IGF2R: variants seen among roughly 807,000 people sequenced by gnomAD.
IGF2R encodes insulin like growth factor 2 receptor.
Under a neutral mutation model 270.6 loss-of-function variants are expected in IGF2R, and 91 were observed. The ratio of observed to expected loss-of-function variants is 0.34; its 90% CI spans 0.28 to 0.40. The LOEUF is 0.40. Ranked by LOEUF, IGF2R falls within the 10% of genes least tolerant of loss-of-function variation. The pLI, the probability that IGF2R is intolerant of heterozygous loss-of-function variation, is 1.00. For missense variants in IGF2R, 2,805 were observed against 3,188.3 expected (o/e 0.88, Z 2.90); for synonymous variants, 1,316 against 1,258.9 (o/e 1.05, Z -0.96).
At chr6:160,025,043 C>T (rs965758253) in intron 5 of IGF2R, among the ~76,000 whole-genome samples, 9 of 152,020 alleles carry the variant, frequency 5.9e-5, no homozygotes, top group Admixed American at 3.3e-4. Flanking sequence ...CTCTGAGTTA[C>T]GGGCTGGGTG....
intron 30 of IGF2R, among the ~76,000 whole-genome samples, chr6:160,069,045 G>C (rs1239960135): frequency 6.6e-6 from 1 of 152,096 alleles, no homozygotes; most frequent in Non-Finnish European, 1.5e-5. Flanking sequence ...GGTAGAAGAT[G>C]GGGGGTGTGA....
chr6:160,060,454 A>G, intron 22 of IGF2R, 93 bp from the exon 23 acceptor site: 1 of 1,245,434 alleles, frequency 8.0e-7, no homozygotes. Context: ...GCTTGTTGCC[A>G]GTGGCAGCCT....
chr6:159,969,405 C>A lies in IGF2R; in HGVS notation c.149+10C>A. The stretch of plus-strand genomic sequence containing the variant: ...TCCCCGAGCTGTGCAGGTGGGTGGC[C>A]CGCCCGGACGCAGGCTCCGCTCGCG... On this transcript the variant is annotated intron_variant, in intron 1 of 47. Coordinates refer to ENST00000356956, the MANE Select transcript of IGF2R (RefSeq NM_000876.4). 1 of 1,220,300 alleles carries A rather than the reference C, an allele frequency of 8.2e-7. No individual in the cohort carries two copies. The highest frequency in any genetic ancestry group is 1.0e-6 in the Non-Finnish European group (1 of 979,210). 75.6% of individuals were successfully genotyped at this position (1,220,300 alleles called of 1,614,324 possible). A position where few individuals can be genotyped will look rare whatever the true frequency, so the allele number is the denominator to read the frequency against.
At chr6:159,978,230 G>A (rs915432277) in intron 1 of IGF2R, among the ~76,000 whole-genome samples, 5 of 152,182 alleles carry the variant, frequency 3.3e-5, no homozygotes, top group African/African-American at 9.7e-5. Context: ...ACTGGACTCC[G>A]TGATTTCCGG....
At chr6:159,973,137 CA>C (rs1470369337) in intron 1 of IGF2R, among the ~76,000 whole-genome samples, 1 of 152,018 alleles carries the variant, frequency 6.6e-6, no homozygotes, top group Non-Finnish European at 1.5e-5. Flanking sequence ...AATAGTAGAG[CA>C]AGAAGAGAGG....
chr6:159,991,974 A>C (rs1783985930), intron 2 of IGF2R, among the ~76,000 whole-genome samples: 1 of 152,240 alleles, frequency 6.6e-6, no homozygotes, highest in Admixed American at 6.5e-5. Context: ...GTCAGGGCAG[A>C]TGCCTGAAGG....
chr6:159,971,769 T>A (rs561336242), intron 1 of IGF2R, among the ~76,000 whole-genome samples: 1 of 152,344 alleles, frequency 6.6e-6, no homozygotes, highest in South Asian at 2.1e-4. Flanking sequence ...CACCTCACCC[T>A]TCTGTGTAGC....
rs765347742 is a variant in IGF2R at position 160,024,730 on chromosome 6, G to T, written c.646+26G>T. 1.9e-6 allele frequency: 3 copies of T among 1,610,632 alleles called. No individual in the cohort carries two copies. The East Asian group carries it at 6.7e-5, about 36-fold the overall frequency. On this transcript the variant is annotated intron_variant, in intron 5 of 47. Transcript: ENST00000356956. Reference sequence around the variant, plus strand: ...GTATGAATCTTTGTGGGGCTGAGGGGGTGGTGGTGAGGGATTTCTTCTATG... The same window carrying T: ...GTATGAATCTTTGTGGGGCTGAGGGTGTGGTGGTGAGGGATTTCTTCTATG...
At chr6:160,009,670 G>A (rs1183364402) in intron 3 of IGF2R, among the ~76,000 whole-genome samples, 2 of 152,174 alleles carry the variant, frequency 1.3e-5, no homozygotes, top group Non-Finnish European at 1.5e-5. Context: ...CATATTGTAT[G>A]TAATTTGTTG....
chr6:160,098,455 C>T (rs376868004), intron 45 of IGF2R, among the ~76,000 whole-genome samples: 12 of 152,096 alleles, frequency 7.9e-5, no homozygotes, highest in Non-Finnish European at 1.5e-4. Context: ...AGGTACCACC[C>T]GGGGGTGACG....
At chr6:159,985,684 T>C (rs1783870774) in intron 1 of IGF2R, among the ~76,000 whole-genome samples, 2 of 152,124 alleles carry the variant, frequency 1.3e-5, no homozygotes, top group Admixed American at 1.3e-4. Flanking sequence ...TGAAGTGCCA[T>C]GGCAGCTAGT....
In IGF2R at chr6:160,105,108, A is replaced by C. The variant is rs1348547930; in HGVS notation, c.*24A>C. On this transcript the variant is annotated 3_prime_UTR_variant, in exon 48 of 48. Transcript: ENST00000356956. ...GACTCCGCAGTGCCTGCAGGGGAGC[A>C]CGGAGCCGCGGGACAGCCAAGCACC... 6.7e-7 allele frequency: 1 copy of C among 1,502,934 alleles called. No individual in the cohort carries two copies. The highest frequency in any genetic ancestry group is 1.4e-5 in the African/African-American group (1 of 71,846). The allele number at this position is 1,502,934 out of a possible 1,614,324, so 93.1% of individuals were successfully genotyped here. A position where few individuals can be genotyped will look rare whatever the true frequency, so the allele number is the denominator to read the frequency against.
At chr6:160,025,379 T>G (rs1449147832) in intron 5 of IGF2R, among the ~76,000 whole-genome samples, 3 of 152,222 alleles carry the variant, frequency 2.0e-5, no homozygotes, top group Admixed American at 2.0e-4. Context: ...TAGCCATGAG[T>G]AAATTCTGCT....
chr6:160,041,335 C>T (rs531288590), intron 11 of IGF2R, among the ~76,000 whole-genome samples: 3 of 152,176 alleles, frequency 2.0e-5, no homozygotes, highest in East Asian at 1.9e-4. Flanking sequence ...GGAGATGACC[C>T]GAAGCAGAGA....
chr6:160,066,506 G>T (rs557434376), intron 29 of IGF2R, among the ~76,000 whole-genome samples: 1 of 152,274 alleles, frequency 6.6e-6, no homozygotes, highest in South Asian at 2.1e-4. Flanking sequence ...AATCAGAGGA[G>T]AATTTTATAA....
intron 4 of IGF2R, among the ~76,000 whole-genome samples, chr6:160,016,485 G>A (rs772293820): frequency 2.6e-5 from 4 of 152,176 alleles, no homozygotes; most frequent in African/African-American, 2.4e-5. Context: ...TAGCCTCCTC[G>A]TTAACAAAAG....
chr6:160,102,520 G>C lies in IGF2R; in HGVS notation c.6844G>C (p.Val2282Leu). Residue 2282 changes from valine to leucine, a missense_variant and splice_region_variant, in exon 46 of 48, where the codon GTG becomes CTG. Val to Leu is a conservative substitution (Grantham distance 32). Coordinates refer to ENST00000356956, the MANE Select transcript of IGF2R (RefSeq NM_000876.4). This position sits in a 1 kb window ranked among gnomAD's most constrained non-coding sequence, Gnocchi z 4.5. ...TCCTTTTCTGTGACGTCCTTGCAGG[G>C]TGGGCTTTGACAGCGAGAATCCCGG... Reference protein sequence around the residue: ...WYTSAVCPLGVGFDSENPGDD... With the variant: ...WYTSAVCPLGLGFDSENPGDD... 1 of 1,611,650 alleles carries C rather than the reference G, an allele frequency of 6.2e-7. No homozygotes were observed. Among genetic ancestry groups the C allele is most frequent in the Non-Finnish European group, 8.5e-7 (1 of 1,179,408 alleles).
intron 2 of IGF2R, among the ~76,000 whole-genome samples, chr6:159,991,863 A>G (rs1245447633): frequency 2.0e-5 from 3 of 152,192 alleles, no homozygotes; most frequent in Non-Finnish European, 2.9e-5. Flanking sequence ...GGTTCGTTTC[A>G]TTCCCCAAAT....
At position 160,105,183 on chromosome 6, in the gene IGF2R, T is replaced by A; in HGVS notation, c.*99T>A. 9.0e-7 allele frequency: 1 copy of A among 1,106,892 alleles called. No homozygotes were observed. Among genetic ancestry groups the A allele is most frequent in the Non-Finnish European group, 1.3e-6 (1 of 788,496 alleles). The allele number at this position is 1,106,892 out of a possible 1,614,324, so 68.6% of individuals were successfully genotyped here. On this transcript the variant is annotated 3_prime_UTR_variant, in exon 48 of 48. Transcript: ENST00000356956. ...GATGATGCTTCTATAATTTTGCCTT[T>A]AACAGAAACTTTCAAAAGGGAAGAG...
Sources: allele counts gnomAD v4.1 joint callset (sites outside exome capture counted in the v4.1 genomes callset), GRCh38; gene constraint gnomAD v4.1.1; non-coding constraint Gnocchi (gnomAD v3.1); transcripts MANE v1.5; gene names NCBI Gene and HGNC (gene_info 2026-07-23, HGNC 2026-07-21).